GLUD1: variants seen among roughly 807,000 people sequenced by gnomAD.
The protein encoded by GLUD1 is glutamate dehydrogenase 1, mitochondrial.
Under a neutral mutation model 56.0 loss-of-function variants are expected in GLUD1, and 22 were observed. That is an observed-to-expected ratio of 0.39 (90% confidence interval 0.28 to 0.56). The LOEUF (loss-of-function observed/expected upper bound fraction) is 0.56, where lower values mean the gene tolerates loss of function less well. Ranked by LOEUF, GLUD1 falls within the 20% of genes least tolerant of loss-of-function variation. The probability of loss-of-function intolerance (pLI) is 0.58; values close to 1 mark genes in which losing one functional copy is unlikely to be tolerated. For missense variants in GLUD1, 451 were observed against 732.0 expected (o/e 0.62, Z 4.43); for synonymous variants, 223 against 269.9 (o/e 0.83, Z 1.70).
intron 1 of GLUD1, among the ~76,000 whole-genome samples, chr10:87,081,468 G>C (rs1451189658): frequency 1.3e-5 from 2 of 152,236 alleles, no homozygotes; most frequent in Non-Finnish European, 2.9e-5. Flanking sequence ...CACTGAGAAC[G>C]GGCCATGATG....
intron 1 of GLUD1, among the ~76,000 whole-genome samples, chr10:87,080,846 TG>T (rs1337419357): frequency 5.2e-5 from 7 of 134,306 alleles, no homozygotes; most frequent in Middle Eastern, 5.1e-3. Flanking sequence ...GGGAGGGAGG[TG>T]GGGGGGTCAG....
chr10:87,057,371 T>C (rs1845809543), intron 11 of GLUD1, among the ~76,000 whole-genome samples: 1 of 152,210 alleles, frequency 6.6e-6, no homozygotes, highest in African/African-American at 2.4e-5. Flanking sequence ...CCCATATAGT[T>C]CAATCTAATG....
chr10:87,053,308 C>T, intron 12 of GLUD1, 34 bp downstream of exon 12: 1 of 1,480,070 alleles, frequency 6.8e-7, no homozygotes, highest in Non-Finnish European at 9.5e-7. Flanking sequence ...CTTCATGTGA[C>T]TAGCTGGAAG....
intron 12 of GLUD1, among the ~76,000 whole-genome samples, chr10:87,052,518 A>G (rs996628039): frequency 3.3e-5 from 5 of 151,436 alleles, no homozygotes; most frequent in African/African-American, 1.2e-4. Flanking sequence ...ACAAAATCAA[A>G]AATTAGTTGG....
rs1352701724 is a variant in GLUD1 at position 87,060,444 on chromosome 10, C to A, written c.1198-203G>T. ...TTTATCTAGGTTTTTTTTTTGTTTG[C>A]TTGTTTTTTTTTTTTACAGGAGTGT... is the stretch of plus-strand genomic sequence containing the variant. On this transcript the variant is annotated intron_variant, in intron 8 of 12. Coordinates refer to ENST00000277865, the MANE Select transcript of GLUD1 (RefSeq NM_005271.5). 2.3e-5 allele frequency: 15 copies of A among 652,566 alleles called. No homozygotes were observed. The Admixed American group carries it at 4.0e-4, about 18-fold the overall frequency. 40.4% of individuals were successfully genotyped at this position (652,566 alleles called of 1,614,324 possible).
chr10:87,067,499 TATGGGA>T (rs1297046575), intron 5 of GLUD1, among the ~76,000 whole-genome samples: 2 of 152,226 alleles, frequency 1.3e-5, no homozygotes, highest in African/African-American at 4.8e-5. Context: ...GTGCTGGAAT[TATGGGA>T]ATGAGCCACT....
intron 5 of GLUD1, among the ~76,000 whole-genome samples, chr10:87,063,648 C>T (rs952955029): frequency 1.3e-5 from 2 of 149,350 alleles, no homozygotes; most frequent in Admixed American, 1.3e-4. Context: ...TATTCTGCCA[C>T]TTTTGAAAAA....
At chr10:87,053,494 T>G (rs780795308) in intron 11 of GLUD1, 90 bp from the exon 12 acceptor site, 1 of 840,410 alleles carries the variant, frequency 1.2e-6, no homozygotes, top group Non-Finnish European at 2.1e-6. Flanking sequence ...CAAGTCAATA[T>G]ACAACCAGAC....
chr10:87,094,163 C>T lies in GLUD1; in HGVS notation c.445+162G>A. The T allele has an allele frequency of 7.1e-7, 1 of 1,411,692 alleles. No individual in the cohort carries two copies. Among genetic ancestry groups the T allele is most frequent in the Non-Finnish European group, 9.4e-7 (1 of 1,064,062 alleles). 87.4% of individuals were successfully genotyped at this position (1,411,692 alleles called of 1,614,324 possible). On this transcript the variant is annotated intron_variant, in intron 1 of 12. Coordinates refer to ENST00000277865, the MANE Select transcript of GLUD1 (RefSeq NM_005271.5). This position sits in a 1 kb window ranked among gnomAD's most constrained non-coding sequence, Gnocchi z 6.6. The stretch of plus-strand genomic sequence containing the variant: ...ATTTTAAGGCGGAAAAATCACCATC[C>T]ACAGAGCCGGCCACATCCGAGGCGG...
chr10:87,086,540 T>C (rs1388270990), intron 1 of GLUD1, among the ~76,000 whole-genome samples: 2 of 152,068 alleles, frequency 1.3e-5, no homozygotes, highest in Non-Finnish European at 2.9e-5. Flanking sequence ...AAGGAAAAAA[T>C]TGGCCTGGCG....
At position 87,094,798 on chromosome 10, in the gene GLUD1, G is replaced by T. The variant is rs755763153; in HGVS notation, c.-29C>A. On this transcript the variant is annotated 5_prime_UTR_variant, in exon 1 of 13. Coordinates refer to ENST00000277865, the MANE Select transcript of GLUD1 (RefSeq NM_005271.5). The surrounding 1 kb of genome is among the most constrained non-coding windows in gnomAD (Gnocchi z 6.6). ...CACAAGCGGAGGGGAGGTGCGTGAT[G>T]GTCGCGAAACAGGCGCGCTTTCTCA... is the stretch of plus-strand genomic sequence containing the variant. 4 of 1,510,750 alleles carry T rather than the reference G, an allele frequency of 2.6e-6. No individual in the cohort carries two copies. Among genetic ancestry groups the T allele is most frequent in the South Asian group, 2.3e-5 (2 of 85,134 alleles). 93.6% of individuals were successfully genotyped at this position (1,510,750 alleles called of 1,614,324 possible). A position where few individuals can be genotyped will look rare whatever the true frequency, so the allele number is the denominator to read the frequency against.
chr10:87,082,343 G>A (rs577060714), intron 1 of GLUD1, among the ~76,000 whole-genome samples: 82 of 152,290 alleles, frequency 5.4e-4, no homozygotes, highest in African/African-American at 1.8e-3. Flanking sequence ...CAAAAGACAT[G>A]TTCCGCTGGA....
At chr10:87,064,352 T>G (rs1846020189) in intron 5 of GLUD1, among the ~76,000 whole-genome samples, 1 of 152,192 alleles carries the variant, frequency 6.6e-6, no homozygotes, top group African/African-American at 2.4e-5. Context: ...ACGAGAACAC[T>G]GCAGAGTAAA....
At chr10:87,064,910 A>T (rs1443605887) in intron 5 of GLUD1, among the ~76,000 whole-genome samples, 1 of 152,162 alleles carries the variant, frequency 6.6e-6, no homozygotes, top group Non-Finnish European at 1.5e-5. Flanking sequence ...CCCAGAGAAG[A>T]ATACATTCTC....
chr10:87,094,739 G>A lies in GLUD1; in HGVS notation c.31C>T (p.Leu11=), dbSNP rs1203761537. 2 of 1,530,012 alleles carry A rather than the reference G, an allele frequency of 1.3e-6. No homozygotes were observed. Among genetic ancestry groups the A allele is most frequent in the African/African-American group, 1.4e-5 (1 of 69,534 alleles). The allele number at this position is 1,530,012 out of a possible 1,614,324, so 94.8% of individuals were successfully genotyped here. Residue 11 remains leucine (L), a synonymous_variant, in exon 1 of 13, where the codon CTG becomes TTG. Coordinates refer to ENST00000277865, the MANE Select transcript of GLUD1 (RefSeq NM_005271.5). This position sits in a 1 kb window ranked among gnomAD's most constrained non-coding sequence, Gnocchi z 6.6. MYRYLGEALL[L]SRAGPAALGS... ...AGGGCAGCGGGCCCGGCCCGGGACAGCAACAGCGCTTCGCCCAGGTAGCGG... is the reference window on the plus strand; with the variant it reads ...AGGGCAGCGGGCCCGGCCCGGGACAACAACAGCGCTTCGCCCAGGTAGCGG...
In GLUD1 at chr10:87,069,132, T is replaced by C. The variant is rs185868244; in HGVS notation, c.647-975A>G. Reference sequence around the variant, plus strand: ...CCACTTATAATTTTTTTCTCTTCCCTGCCATATATATAGTTTATAACTTTC... The same window carrying C: ...CCACTTATAATTTTTTTCTCTTCCCCGCCATATATATAGTTTATAACTTTC... On this transcript the variant is annotated intron_variant, in intron 4 of 12. Transcript: ENST00000277865. Among the ~76,000 whole-genome samples, 1,198 of 152,118 alleles carry C rather than the reference T, an allele frequency of 7.9e-3. 19 individuals are homozygous for C. The highest frequency in any genetic ancestry group is 0.028 in the African/African-American group (1,154 of 41,482).
chr10:87,073,334 T>C (rs1426781137), intron 4 of GLUD1, among the ~76,000 whole-genome samples: 1 of 152,036 alleles, frequency 6.6e-6, no homozygotes, highest in Non-Finnish European at 1.5e-5. Flanking sequence ...TTTCATTTTT[T>C]GTAGAGATGG....
chr10:87,086,149 G>A (rs7098123), intron 1 of GLUD1, among the ~76,000 whole-genome samples: 7,434 of 152,264 alleles, frequency 0.049, 318 homozygotes, highest in African/African-American at 0.12. Context: ...GCATGGACAG[G>A]CAGAGGGACT....
At chr10:87,075,389 A>G (rs1176519284) in intron 3 of GLUD1, among the ~76,000 whole-genome samples, 1 of 152,230 alleles carries the variant, frequency 6.6e-6, no homozygotes, top group Non-Finnish European at 1.5e-5. Flanking sequence ...AAATAATAAA[A>G]CAAAAAGCAA....
Sources: gnomAD v4.1 joint callset for allele counts (sites outside exome capture counted in the v4.1 genomes callset) on GRCh38, gnomAD v4.1.1 for gene constraint, Gnocchi (gnomAD v3.1) non-coding constraint, MANE v1.5 for transcripts, NCBI Gene and HGNC (gene_info 2026-07-23, HGNC 2026-07-21) for gene names.